The following RASSF9 variants were observed in gnomAD, a reference collection of about 807,000 sequenced individuals.
RASSF9 encodes ras association domain-containing protein 9.
A neutral mutation model predicts 21.4 loss-of-function variants in RASSF9; 18 were observed. The observed-to-expected ratio is 0.84, with a 90% CI of 0.58 to 1.25. The LOEUF (loss-of-function observed/expected upper bound fraction) is 1.25. Ranked by LOEUF, RASSF9 falls within the 50% of genes most tolerant of loss-of-function variation. The probability of loss-of-function intolerance (pLI) is 0.00; values close to 1 mark genes in which losing one functional copy is unlikely to be tolerated. For synonymous variants in RASSF9, 183 were observed against 179.1 expected (o/e 1.02, Z -0.18); for missense variants, 480 against 503.2 (o/e 0.95, Z 0.44).
intron 1 of RASSF9, among the ~76,000 whole-genome samples, chr12:85,819,249 G>T (rs1031081330): frequency 8.6e-5 from 13 of 150,906 alleles, no homozygotes; most frequent in Non-Finnish European, 2.9e-5. Context: ...GTCTCACTAT[G>T]TTGCTGGAGC....
At chr12:85,832,520 A>G (rs1486170114) in intron 1 of RASSF9, among the ~76,000 whole-genome samples, 1 of 151,952 alleles carries the variant, frequency 6.6e-6, no homozygotes, top group Non-Finnish European at 1.5e-5. Flanking sequence ...AGACAATCAC[A>G]TTCACAAATG....
At chr12:85,819,042 G>A (rs367761118) in intron 1 of RASSF9, among the ~76,000 whole-genome samples, 9 of 149,176 alleles carry the variant, frequency 6.0e-5, no homozygotes, top group East Asian at 5.9e-4. Flanking sequence ...TGAATTGCCC[G>A]TTCAATTCAG....
Position 85,836,102 on chromosome 12 carries a change from G to GACAC in RASSF9, c.47+49_47+52dup, listed in dbSNP as rs144771248. 7 of 1,489,908 alleles carry GACAC rather than the reference G, an allele frequency of 4.7e-6. No individual in the cohort carries two copies. The Middle Eastern group carries it at 5.6e-4, about 119-fold the overall frequency. 92.3% of individuals were successfully genotyped at this position (1,489,908 alleles called of 1,614,324 possible). On this transcript the variant is annotated intron_variant, in intron 1 of 1. Coordinates refer to ENST00000361228, the MANE Select transcript of RASSF9 (RefSeq NM_005447.4). ...GGTAGGGTCCAGAGTACACACACAA[G>GACAC]ACACACACACACACAGAGACACACA...
At chr12:85,814,170 C>T (rs567095002) in intron 1 of RASSF9, among the ~76,000 whole-genome samples, 2 of 152,064 alleles carry the variant, frequency 1.3e-5, no homozygotes, top group East Asian at 3.9e-4. Context: ...GGCCAGCTTC[C>T]CAAAACTGGT....
At chr12:85,816,710 G>T (rs1317945778) in intron 1 of RASSF9, among the ~76,000 whole-genome samples, 1 of 151,928 alleles carries the variant, frequency 6.6e-6, no homozygotes, top group Non-Finnish European at 1.5e-5. Context: ...ATTGATTTCT[G>T]GTCAGAGAAG....
At chr12:85,818,939 A>G (rs1024074083) in intron 1 of RASSF9, among the ~76,000 whole-genome samples, 1 of 134,852 alleles carries the variant, frequency 7.4e-6, no homozygotes, top group Non-Finnish European at 1.6e-5. Context: ...AGCCTGGGCG[A>G]GAGAGCGAGA....
At chr12:85,819,834 G>C (rs1880168713) in intron 1 of RASSF9, among the ~76,000 whole-genome samples, 1 of 152,130 alleles carries the variant, frequency 6.6e-6, no homozygotes, top group Admixed American at 6.5e-5. Context: ...AGAACGCCAA[G>C]TTCATATTTG....
At chr12:85,822,866 C>G (rs1293384106) in intron 1 of RASSF9, among the ~76,000 whole-genome samples, 1 of 152,128 alleles carries the variant, frequency 6.6e-6, no homozygotes, top group Non-Finnish European at 1.5e-5. Flanking sequence ...GTTATTCTCT[C>G]TAGTACATCA....
chr12:85,811,506 T>C (rs1459973753), intron 1 of RASSF9, among the ~76,000 whole-genome samples: 1 of 151,924 alleles, frequency 6.6e-6, no homozygotes, highest in Admixed American at 6.6e-5. Flanking sequence ...CTGTGTTACA[T>C]TATAGAGGAA....
chr12:85,815,433 G>C (rs980644049), intron 1 of RASSF9, among the ~76,000 whole-genome samples: 2 of 151,982 alleles, frequency 1.3e-5, no homozygotes, highest in Admixed American at 1.3e-4. Flanking sequence ...ATAAAGCAAT[G>C]GTTGCTCCTT....
chr12:85,811,497 T>C (rs1307788240), intron 1 of RASSF9, among the ~76,000 whole-genome samples: 2 of 151,944 alleles, frequency 1.3e-5, no homozygotes, highest in Non-Finnish European at 2.9e-5. Context: ...TTATTACTCC[T>C]GTGTTACATT....
chr12:85,813,399 C>T (rs1879993293), intron 1 of RASSF9, among the ~76,000 whole-genome samples: 1 of 151,792 alleles, frequency 6.6e-6, no homozygotes, highest in South Asian at 2.1e-4. Context: ...ATCAAATATA[C>T]TTTGAAAATA....
chr12:85,803,861 G>A lies in RASSF9; in HGVS notation c.*841C>T, dbSNP rs1459211057. The A allele has an allele frequency of 1.3e-5, 2 of 152,124 alleles. No homozygotes were observed. The highest frequency in any genetic ancestry group is 2.9e-5 in the Non-Finnish European group (2 of 68,012). 9.4% of individuals were successfully genotyped at this position (152,124 alleles called of 1,614,324 possible). ...AGCAGATTCTATTTTATCCACAGAA[G>A]GGTTCCAAATTCCATCATTGCAACT... On this transcript the variant is annotated 3_prime_UTR_variant, in exon 2 of 2. Coordinates refer to ENST00000361228, the MANE Select transcript of RASSF9 (RefSeq NM_005447.4).
Position 85,831,126 on chromosome 12 carries a change from A to G in RASSF9, c.47+5029T>C, listed in dbSNP as rs569743324. On this transcript the variant is annotated intron_variant, in intron 1 of 1. Coordinates refer to ENST00000361228, the MANE Select transcript of RASSF9 (RefSeq NM_005447.4). ...ACTGGTATTCATATACACCTGCAAG[A>G]GGTAAACACATACCCTTACTTCAAC... Among the ~76,000 whole-genome samples, 4 of 152,080 alleles carry G rather than the reference A, an allele frequency of 2.6e-5. No homozygotes were observed. In the East Asian group the frequency reaches 5.8e-4, roughly 22 times the overall value.
At chr12:85,815,872 GC>G (rs1200904644) in intron 1 of RASSF9, among the ~76,000 whole-genome samples, 1 of 151,806 alleles carries the variant, frequency 6.6e-6, no homozygotes, top group Non-Finnish European at 1.5e-5. Context: ...ATATTTCATT[GC>G]AGCACTATTC....
Position 85,803,735 on chromosome 12 carries a change from G to C in RASSF9, c.*967C>G, listed in dbSNP as rs1257716074. On this transcript the variant is annotated 3_prime_UTR_variant, in exon 2 of 2. Coordinates refer to ENST00000361228, the MANE Select transcript of RASSF9 (RefSeq NM_005447.4). ...AACTAAGTCTCTTTTAAGCACTTTA[G>C]ATGAAGAAATAAGACAATCTGAGTT... is the stretch of plus-strand genomic sequence containing the variant. 2 of 152,074 alleles carry C rather than the reference G, an allele frequency of 1.3e-5. 1 individual carries two copies. The highest frequency in any genetic ancestry group is 4.1e-4 in the South Asian group (2 of 4,824). The allele number at this position is 152,074 out of a possible 1,614,324, so 9.4% of individuals were successfully genotyped here.
chr12:85,807,506 T>C (rs761902964), intron 1 of RASSF9, among the ~76,000 whole-genome samples: 1 of 151,802 alleles, frequency 6.6e-6, no homozygotes, highest in African/African-American at 2.4e-5. Flanking sequence ...TAGAAAAAAA[T>C]AGAAGCAAGA....
rs555629563 is a variant in RASSF9 at position 85,820,867 on chromosome 12, C to T, written c.48-14905G>A. On this transcript the variant is annotated intron_variant, in intron 1 of 1. Coordinates refer to ENST00000361228, the MANE Select transcript of RASSF9 (RefSeq NM_005447.4). Reference sequence around the variant, plus strand: ...CAGCCTTTAAAAGCTACATTGAGGCCGGGCGCGGTGGCTCATGCCTATAAT... The same window carrying T: ...CAGCCTTTAAAAGCTACATTGAGGCTGGGCGCGGTGGCTCATGCCTATAAT... 4.6e-5 allele frequency among the ~76,000 whole-genome samples: 7 copies of T among 152,148 alleles called. No homozygotes were observed. In the South Asian group the frequency reaches 6.2e-4, roughly 14 times the overall value.
chr12:85,815,734 A>T (rs1369487657), intron 1 of RASSF9, among the ~76,000 whole-genome samples: 4 of 151,810 alleles, frequency 2.6e-5, no homozygotes, highest in African/African-American at 7.3e-5. Context: ...GGTCGCATGT[A>T]TGTCTTCATT....
Sources: allele counts gnomAD v4.1 joint callset (sites outside exome capture counted in the v4.1 genomes callset), GRCh38; gene constraint gnomAD v4.1.1; transcripts MANE v1.5; gene names NCBI Gene and HGNC (gene_info 2026-07-23, HGNC 2026-07-21).